GABRG3: variants seen among roughly 807,000 people sequenced by gnomAD.
GABRG3 encodes the protein gamma-aminobutyric acid receptor subunit gamma-3.
In GABRG3, 25 loss-of-function variants were observed where a neutral mutation model predicts 48.8. The observed-to-expected ratio is 0.51, with a 90% CI of 0.37 to 0.72. The LOEUF is 0.72. Among genes scored for constraint, GABRG3 ranks in the 30% least tolerant of loss-of-function variants. The pLI is 0.00. For missense variants in GABRG3, 394 were observed against 577.9 expected, an observed-to-expected ratio of 0.68 and a Z score of 3.26; for synonymous variants, 227 against 217.6, an observed-to-expected ratio of 1.04 and a Z score of -0.38.
intron 3 of GABRG3, among the ~76,000 whole-genome samples, chr15:27,063,289 G>A (rs915616309): frequency 1.3e-5 from 2 of 152,190 alleles, no homozygotes; most frequent in Admixed American, 6.5e-5. Context: ...AGATCTGCAG[G>A]TGTCTTTGGC....
At chr15:27,297,526 A>G (rs1892037319) in intron 3 of GABRG3, among the ~76,000 whole-genome samples, 1 of 152,198 alleles carries the variant, frequency 6.6e-6, no homozygotes, top group South Asian at 2.1e-4. Flanking sequence ...TTGTGTTACA[A>G]TTCCTTAGAA....
chr15:27,328,946 A>C, intron 5 of GABRG3, 58 bp downstream of exon 5: 1 of 1,340,816 alleles, frequency 7.5e-7, no homozygotes, highest in East Asian at 2.3e-5. Context: ...CTAGCCTGGT[A>C]CTGCTTCTGT....
intron 9 of GABRG3, among the ~76,000 whole-genome samples, chr15:27,531,278 C>T (rs1356409025): frequency 6.6e-6 from 1 of 152,224 alleles, no homozygotes; most frequent in Non-Finnish European, 1.5e-5. Context: ...CAAGAACGCA[C>T]CAAAGGCTGC....
chr15:26,972,522 A>C (rs1229813087), intron 1 of GABRG3, among the ~76,000 whole-genome samples: 1 of 151,502 alleles, frequency 6.6e-6, no homozygotes. Flanking sequence ...TCTGGCCTTT[A>C]CCTCTTTCCC....
intron 3 of GABRG3, among the ~76,000 whole-genome samples, chr15:27,182,396 AC>A (rs1340645637): frequency 2.0e-5 from 3 of 152,144 alleles, no homozygotes; most frequent in Non-Finnish European, 2.9e-5. Context: ...AATACTAAAG[AC>A]TTTGGCAGCT....
At chr15:27,091,888 G>C (rs1024612214) in intron 3 of GABRG3, among the ~76,000 whole-genome samples, 1 of 152,162 alleles carries the variant, frequency 6.6e-6, no homozygotes, top group Admixed American at 6.5e-5. Flanking sequence ...TCCTGTTTCA[G>C]TGGCAAACAT....
chr15:27,043,333 G>A (rs1204989917), intron 3 of GABRG3, among the ~76,000 whole-genome samples: 1 of 152,172 alleles, frequency 6.6e-6, no homozygotes, highest in Non-Finnish European at 1.5e-5. Context: ...AGGAGACCGT[G>A]GGTTTAGACT....
intron 3 of GABRG3, among the ~76,000 whole-genome samples, chr15:27,060,328 T>A (rs1161556864): frequency 6.6e-6 from 1 of 152,252 alleles, no homozygotes; most frequent in African/African-American, 2.4e-5. Context: ...CACTGGCCCC[T>A]GAGCAGGGTT....
chr15:27,021,758 G>A (rs1895899824), intron 2 of GABRG3, among the ~76,000 whole-genome samples: 2 of 152,186 alleles, frequency 1.3e-5, no homozygotes, highest in South Asian at 2.1e-4. Flanking sequence ...TGAGAGGATT[G>A]CCTAAGCCCA....
At chr15:27,289,330 C>A (rs1196410567) in intron 3 of GABRG3, among the ~76,000 whole-genome samples, 2 of 151,932 alleles carry the variant, frequency 1.3e-5, no homozygotes, top group Non-Finnish European at 2.9e-5. Context: ...GTCCCTAAGC[C>A]TCTGTATATT....
chr15:27,074,544 T>C (rs557430674), intron 3 of GABRG3, among the ~76,000 whole-genome samples: 2 of 152,008 alleles, frequency 1.3e-5, no homozygotes, highest in Admixed American at 1.3e-4. Flanking sequence ...AGGATGGGAC[T>C]GCCCAAGGCT....
chr15:27,238,987 C>G (rs192498468), intron 3 of GABRG3, among the ~76,000 whole-genome samples: 1 of 152,018 alleles, frequency 6.6e-6, no homozygotes, highest in African/African-American at 2.4e-5. Context: ...AATAACAGAG[C>G]GAGTCTCTCT....
chr15:27,461,677 G>A (rs1465675202), intron 5 of GABRG3, among the ~76,000 whole-genome samples: 1 of 152,082 alleles, frequency 6.6e-6, no homozygotes. Context: ...GAGAGTGATT[G>A]GTCCGTTTTA....
intron 3 of GABRG3, among the ~76,000 whole-genome samples, chr15:27,089,998 G>A (rs553688757): frequency 3.3e-4 from 51 of 152,288 alleles, no homozygotes; most frequent in Non-Finnish European, 6.5e-4. Context: ...AAATAGAACT[G>A]CTATGAACAT....
intron 3 of GABRG3, among the ~76,000 whole-genome samples, chr15:27,109,534 C>T (rs533559994): frequency 7.9e-5 from 12 of 152,288 alleles, no homozygotes; most frequent in Non-Finnish European, 1.6e-4. Flanking sequence ...GTTTTCCTGT[C>T]GCCATAGTTT....
intron 2 of GABRG3, 131 bp from the exon 3 acceptor site, chr15:27,026,623 A>C: frequency 2.0e-6 from 1 of 491,202 alleles, no homozygotes; most frequent in Non-Finnish European, 3.5e-6. Context: ...AGAAGTCCCA[A>C]AGAAAGCCCT....
At chr15:27,042,801 G>A (rs1206594039) in intron 3 of GABRG3, among the ~76,000 whole-genome samples, 1 of 152,204 alleles carries the variant, frequency 6.6e-6, no homozygotes, top group East Asian at 1.9e-4. Context: ...GACAGCCTGA[G>A]TCAGGCTGGC....
chr15:26,980,548 G>A (rs1595453257), intron 2 of GABRG3, among the ~76,000 whole-genome samples: 2 of 151,824 alleles, frequency 1.3e-5, no homozygotes, highest in South Asian at 2.1e-4. Context: ...GCGTGGTGGC[G>A]GGCGCCTGTA....
intron 5 of GABRG3, among the ~76,000 whole-genome samples, chr15:27,431,002 A>AATAC (rs1392976506): frequency 7.3e-6 from 1 of 136,314 alleles, no homozygotes; most frequent in Non-Finnish European, 1.5e-5. Context: ...TAAATAAATA[A>AATAC]ATAAATAAAT....
Sources: gnomAD v4.1 joint callset for allele counts (sites outside exome capture counted in the v4.1 genomes callset) on GRCh38, gnomAD v4.1.1 for gene constraint, MANE v1.5 for transcripts, NCBI Gene and HGNC (gene_info 2026-07-23, HGNC 2026-07-21) for gene names.